Variants in RALYL observed in about 807,000 individuals in gnomAD.
The protein encoded by RALYL is RALY RNA binding protein like, also known as RNA-binding Raly-like protein.
Under a neutral mutation model 35.1 loss-of-function variants are expected in RALYL, and 29 were observed. The ratio of observed to expected loss-of-function variants is 0.83; its 90% CI spans 0.61 to 1.13. The LOEUF is 1.13. Ranked by LOEUF, RALYL falls within the 50% of genes most tolerant of loss-of-function variation. RALYL has a pLI of 0.00. For missense variants in RALYL, 359 were observed against 360.4 expected, an observed-to-expected ratio of 1.00 and a Z score of 0.03; for synonymous variants, 120 against 127.6, an observed-to-expected ratio of 0.94 and a Z score of 0.40.
intron 1 of RALYL, among the ~76,000 whole-genome samples, chr8:84,526,380 C>G (rs781661372): frequency 1.2e-4 from 19 of 152,060 alleles, no homozygotes; most frequent in Non-Finnish European, 2.1e-4. Context: ...ATACCTTTAC[C>G]TATTGGAATC....
chr8:84,679,620 G>T, intron 2 of RALYL: 1 of 472,576 alleles, frequency 2.1e-6, no homozygotes, highest in South Asian at 1.6e-5. Flanking sequence ...GATGCTATTG[G>T]AAGAGCTCAG....
chr8:84,381,764 A>G (rs983328264), intron 1 of RALYL, among the ~76,000 whole-genome samples: 9 of 151,646 alleles, frequency 5.9e-5, no homozygotes, highest in South Asian at 2.1e-4. Context: ...TTTTTGCTGC[A>G]TCTAATATGG....
intron 7 of RALYL, among the ~76,000 whole-genome samples, chr8:84,885,193 G>T (rs1412688203): frequency 1.3e-5 from 2 of 152,086 alleles, no homozygotes. Flanking sequence ...GAAGGAAAAT[G>T]AGAATAAAAC....
intron 2 of RALYL, among the ~76,000 whole-genome samples, chr8:84,624,474 C>G (rs564154420): frequency 8.5e-5 from 13 of 152,254 alleles, no homozygotes; most frequent in Admixed American, 5.9e-4. Context: ...TCAATGCCAG[C>G]ACCATTGCAT....
Position 84,756,373 on chromosome 8 carries a change from C to A in RALYL, c.257-18206C>A, listed in dbSNP as rs115999962. Among the ~76,000 whole-genome samples, 1,165 of 152,254 alleles carry A rather than the reference C, an allele frequency of 7.7e-3. 15 individuals carry two copies. Among genetic ancestry groups the A allele is most frequent in the African/African-American group, 0.026 (1,070 of 41,562 alleles). On this transcript the variant is annotated intron_variant, in intron 2 of 8. Coordinates refer to ENST00000521268, the MANE Select transcript of RALYL (RefSeq NM_173848.7). ...GGATCAGTGCACCAAACTACCAAGA[C>A]AACTTCAGTAAATAGTTTAGAACAC...
intron 1 of RALYL, among the ~76,000 whole-genome samples, chr8:84,498,274 T>C (rs1023352051): frequency 6.6e-6 from 1 of 152,032 alleles, no homozygotes; most frequent in Non-Finnish European, 1.5e-5. Context: ...TTGCGAGTTG[T>C]AGACTATCAT....
intron 1 of RALYL, among the ~76,000 whole-genome samples, chr8:84,191,518 C>T (rs187435544): frequency 8.5e-5 from 13 of 152,222 alleles, no homozygotes; most frequent in Admixed American, 8.5e-4. Flanking sequence ...TTTAGTCTTC[C>T]TTAACCTAGA....
rs761672102 is a variant in RALYL, at chr8:84,353,537, CT to C, written c.-24+169114del. Among the ~76,000 whole-genome samples the C allele has an allele frequency of 7.4e-4, 111 of 150,318 alleles. 5 individuals are homozygous for C. The highest frequency in any genetic ancestry group is 1.3e-3 in the Admixed American group (19 of 15,158). On this transcript the variant is annotated intron_variant, in intron 1 of 8. Coordinates refer to ENST00000521268, the MANE Select transcript of RALYL (RefSeq NM_173848.7). The stretch of plus-strand genomic sequence containing the variant: ...AGCTGTGACAATGTTTATAATTTCC[CT>C]GTAGCTTGAAATTTTCATCAAATTT...
At chr8:84,358,774 G>A (rs1852365889) in intron 1 of RALYL, among the ~76,000 whole-genome samples, 3 of 152,006 alleles carry the variant, frequency 2.0e-5, no homozygotes, top group Admixed American at 2.0e-4. Flanking sequence ...GAATGAAGAG[G>A]TTGTTGATTT....
chr8:84,470,875 T>C (rs1009067312), intron 1 of RALYL, among the ~76,000 whole-genome samples: 1 of 152,200 alleles, frequency 6.6e-6, no homozygotes, highest in African/African-American at 2.4e-5. Flanking sequence ...CTTGTTAGTA[T>C]ATAAAGCTTT....
At chr8:84,461,822 T>C (rs908894790) in intron 1 of RALYL, among the ~76,000 whole-genome samples, 1 of 151,654 alleles carries the variant, frequency 6.6e-6, no homozygotes, top group East Asian at 1.9e-4. Context: ...TTCATCCCCC[T>C]TCCTCATTTC....
At chr8:84,831,721 C>A (rs1392540835) in intron 4 of RALYL, among the ~76,000 whole-genome samples, 1 of 151,988 alleles carries the variant, frequency 6.6e-6, no homozygotes, top group Non-Finnish European at 1.5e-5. Flanking sequence ...AGGAGGGAGA[C>A]TATCTCTTCT....
At chr8:84,404,613 G>A (rs537885780) in intron 1 of RALYL, among the ~76,000 whole-genome samples, 1 of 152,262 alleles carries the variant, frequency 6.6e-6, no homozygotes, top group African/African-American at 2.4e-5. Flanking sequence ...TGTTCATCAG[G>A]GATGTTGGCC....
chr8:84,656,860 G>A (rs1016152899), intron 2 of RALYL, among the ~76,000 whole-genome samples: 7 of 152,006 alleles, frequency 4.6e-5, no homozygotes, highest in Non-Finnish European at 1.0e-4. Flanking sequence ...AATATCCAAA[G>A]TAGCCTGGAA....
intron 2 of RALYL, among the ~76,000 whole-genome samples, chr8:84,703,734 T>C (rs1473653280): frequency 1.4e-4 from 22 of 152,176 alleles, no homozygotes; most frequent in Admixed American, 1.4e-3. Context: ...ACCACCTATA[T>C]ACTGCCTAAA....
chr8:84,424,808 T>C lies in RALYL; in HGVS notation c.-23-104491T>C, dbSNP rs377602197. On this transcript the variant is annotated intron_variant, in intron 1 of 8. Transcript: ENST00000521268. Reference sequence around the variant, plus strand: ...CTGCAGGTCTGTTGGAATACCCTGCTGTGTGAGGTGTCAGTGTGCCCCTGC... The same window carrying C: ...CTGCAGGTCTGTTGGAATACCCTGCCGTGTGAGGTGTCAGTGTGCCCCTGC... 5.1e-3 allele frequency among the ~76,000 whole-genome samples: 779 copies of C among 152,094 alleles called. 8 individuals carry two copies. Among genetic ancestry groups the C allele is most frequent in the African/African-American group, 0.017 (691 of 41,420 alleles).
At chr8:84,681,753 G>A (rs1357427828) in intron 2 of RALYL, among the ~76,000 whole-genome samples, 2 of 152,140 alleles carry the variant, frequency 1.3e-5, no homozygotes, top group Non-Finnish European at 2.9e-5. Context: ...AGACAATGGG[G>A]TTTTCTAAAT....
intron 2 of RALYL, among the ~76,000 whole-genome samples, chr8:84,689,594 G>A (rs1479761905): frequency 6.6e-6 from 1 of 152,092 alleles, no homozygotes; most frequent in East Asian, 1.9e-4. Context: ...TATATACCCA[G>A]TAATGGGATG....
At chr8:84,198,625 G>A (rs528238365) in intron 1 of RALYL, among the ~76,000 whole-genome samples, 6 of 152,002 alleles carry the variant, frequency 3.9e-5, no homozygotes, top group African/African-American at 1.4e-4. Flanking sequence ...TCCATTTTTT[G>A]TACCTATTAA....
Sources: allele counts gnomAD v4.1 joint callset (sites outside exome capture counted in the v4.1 genomes callset), GRCh38; gene constraint gnomAD v4.1.1; transcripts MANE v1.5; gene names NCBI Gene and HGNC (gene_info 2026-07-23, HGNC 2026-07-21).